The following CCDC138 variants were observed in gnomAD, a reference collection of about 807,000 sequenced individuals.
The protein encoded by CCDC138 is coiled-coil domain-containing protein 138.
A neutral mutation model predicts 82.3 loss-of-function variants in CCDC138; 66 were observed. That is an observed-to-expected ratio of 0.80 (90% CI 0.66 to 0.98). The LOEUF is 0.98. Among genes scored for constraint, CCDC138 ranks in the 50% least tolerant of loss-of-function variants. The pLI is 0.00. For missense variants in CCDC138, 816 were observed against 758.9 expected, an observed-to-expected ratio of 1.08 and a Z score of -0.88; for synonymous variants, 297 against 265.4, an observed-to-expected ratio of 1.12 and a Z score of -1.16.
chr2:108,815,694 AACT>A (rs926690229), intron 9 of CCDC138, among the ~76,000 whole-genome samples: 1 of 151,632 alleles, frequency 6.6e-6, no homozygotes, highest in African/African-American at 2.4e-5. Context: ...ACTCCTAGGG[AACT>A]TCAGGTGATC....
rs1696000598 is a variant in CCDC138 at position 108,876,160 on chromosome 2, A to T, written c.1905A>T (p.Pro635=). 6.2e-7 allele frequency: 1 copy of T among 1,612,660 alleles called. No individual in the cohort carries two copies. The highest frequency in any genetic ancestry group is 2.2e-5 in the East Asian group (1 of 44,800). The change falls in exon 15 of 15, where the codon CCA becomes CCT. Residue 635 remains proline (P), a synonymous_variant. Transcript: ENST00000295124. ...MLQEIQRTTN[P]EHAFLCINLN... ...AAGAAATACAAAGGACAACAAACCC[A>T]GAGCATGCATTTCTCTGTATTAATC...
chr2:108,867,255 CAA>C (rs1694556713), intron 13 of CCDC138, among the ~76,000 whole-genome samples: 3 of 152,064 alleles, frequency 2.0e-5, no homozygotes, highest in South Asian at 2.1e-4. Flanking sequence ...GAGGTGGACA[CAA>C]GAGAGAAGCT....
intron 10 of CCDC138, among the ~76,000 whole-genome samples, chr2:108,833,770 C>G (rs13420504): frequency 0.016 from 2,338 of 145,912 alleles, 68 homozygotes; most frequent in African/African-American, 0.057. Context: ...CTTTGTCGCC[C>G]AGGCTGGAGT....
chr2:108,850,449 T>G (rs1160051376), intron 12 of CCDC138, among the ~76,000 whole-genome samples: 2 of 151,936 alleles, frequency 1.3e-5, no homozygotes, highest in African/African-American at 4.8e-5. Flanking sequence ...GTTTTTTTTG[T>G]TTTGTTTTGT....
At chr2:108,819,707 C>T (rs1341989799) in intron 10 of CCDC138, among the ~76,000 whole-genome samples, 1 of 152,076 alleles carries the variant, frequency 6.6e-6, no homozygotes, top group African/African-American at 2.4e-5. Flanking sequence ...CTGTATGAAG[C>T]CAGTTGTAAA....
intron 7 of CCDC138, among the ~76,000 whole-genome samples, chr2:108,810,334 TGA>T (rs1683582632): frequency 6.6e-6 from 1 of 152,234 alleles, no homozygotes; most frequent in South Asian, 2.1e-4. Context: ...CCTAATTTTT[TGA>T]GAGTTTTTAC....
At chr2:108,816,322 G>A (rs947751436) in intron 10 of CCDC138, among the ~76,000 whole-genome samples, 10 of 152,040 alleles carry the variant, frequency 6.6e-5, no homozygotes, top group African/African-American at 1.7e-4. Context: ...ATTTTGGCAC[G>A]TGCCTGTAAT....
chr2:108,805,449 G>C (rs1393559198), intron 7 of CCDC138, among the ~76,000 whole-genome samples: 1 of 152,112 alleles, frequency 6.6e-6, no homozygotes, highest in Non-Finnish European at 1.5e-5. Flanking sequence ...TTGCAGGCCA[G>C]GCGCGGTGGC....
At chr2:108,865,600 G>C (rs892396379) in intron 13 of CCDC138, among the ~76,000 whole-genome samples, 8 of 152,126 alleles carry the variant, frequency 5.3e-5, no homozygotes, top group African/African-American at 1.9e-4. Context: ...AAACCTTCAT[G>C]CCAGTCCTAT....
chr2:108,804,990 T>C lies in CCDC138; in HGVS notation c.837T>C (p.Asn279=). The C allele has an allele frequency of 1.3e-6, 2 of 1,540,614 alleles. No homozygotes were observed. The highest frequency in any genetic ancestry group is 1.3e-5 in the South Asian group (1 of 77,752). ...CTTTTGATGCATTGAAAGAATTGAA[T>C]GATACCTTAAAAAAACAGGTAAGAC... ...RSSFDALKEL[N]DTLKKQLNEA... The change falls in exon 7 of 15, where the codon AAT becomes AAC. Residue 279 remains asparagine, a synonymous_variant. Transcript: ENST00000295124.
intron 2 of CCDC138, chr2:108,885,091 C>CT (rs1696391027): frequency 6.6e-6 from 1 of 152,192 alleles, no homozygotes; most frequent in South Asian, 2.1e-4. Context: ...TAATCAGTGT[C>CT]TTTTTTCCAG....
intron 13 of CCDC138, among the ~76,000 whole-genome samples, chr2:108,860,846 C>T (rs575234712): frequency 1.4e-5 from 2 of 143,694 alleles, no homozygotes; most frequent in Non-Finnish European, 1.5e-5. Flanking sequence ...CCCTCCTCCT[C>T]GATATTTTGG....
intron 13 of CCDC138, among the ~76,000 whole-genome samples, chr2:108,863,346 T>TA (rs1439297175): frequency 6.6e-6 from 1 of 152,180 alleles, no homozygotes; most frequent in African/African-American, 2.4e-5. Flanking sequence ...CTTTAGGAAA[T>TA]ACAATGGGAA....
At chr2:108,849,934 G>A (rs1691174115) in intron 12 of CCDC138, among the ~76,000 whole-genome samples, 1 of 152,190 alleles carries the variant, frequency 6.6e-6, no homozygotes, top group Admixed American at 6.5e-5. Flanking sequence ...AGGCAGGTGG[G>A]GTGTGCCTGC....
At chr2:108,795,361 G>A (rs926289808) in intron 5 of CCDC138, among the ~76,000 whole-genome samples, 3 of 151,982 alleles carry the variant, frequency 2.0e-5, no homozygotes, top group African/African-American at 7.3e-5. Context: ...TCACCATGTT[G>A]GCTAGGCTGG....
At chr2:108,872,640 A>G (rs945318645) in intron 13 of CCDC138, among the ~76,000 whole-genome samples, 1 of 152,090 alleles carries the variant, frequency 6.6e-6, no homozygotes, top group Non-Finnish European at 1.5e-5. Context: ...TTGTTGCATC[A>G]TCACCTGGCA....
At chr2:108,871,420 G>A (rs1414885877) in intron 13 of CCDC138, among the ~76,000 whole-genome samples, 2 of 150,400 alleles carry the variant, frequency 1.3e-5, no homozygotes, top group African/African-American at 4.9e-5. Flanking sequence ...GGGCATGATG[G>A]TGTGTGCCTG....
At chr2:108,853,203 G>A (rs1157379773) in intron 12 of CCDC138, among the ~76,000 whole-genome samples, 9 of 152,142 alleles carry the variant, frequency 5.9e-5, no homozygotes, top group Non-Finnish European at 1.2e-4. Flanking sequence ...TGCTGGCATT[G>A]TTTTAGTCAT....
At chr2:108,798,815 CT>C (rs1329311933) in intron 6 of CCDC138, among the ~76,000 whole-genome samples, 1 of 32,190 alleles carries the variant, frequency 3.1e-5, no homozygotes, top group Non-Finnish European at 7.0e-5. Flanking sequence ...CTCTCCACAC[CT>C]ACACACACAC....
Sources: gnomAD v4.1 joint callset for allele counts (sites outside exome capture counted in the v4.1 genomes callset) on GRCh38, gnomAD v4.1.1 for gene constraint, MANE v1.5 for transcripts, NCBI Gene and HGNC (gene_info 2026-07-23, HGNC 2026-07-21) for gene names.